Variants in SEC24B observed in about 807,000 individuals in gnomAD.
The protein encoded by SEC24B is protein transport protein Sec24B.
SEC24B carries 45 observed loss-of-function variants against 142.8 expected under a neutral mutation model. The observed-to-expected ratio is 0.32, with a 90% CI of 0.25 to 0.40. SEC24B has a LOEUF of 0.40. Among genes scored for constraint, SEC24B ranks in the 10% least tolerant of loss-of-function variants. The pLI, the probability that SEC24B is intolerant of heterozygous loss-of-function variation, is 1.00. For missense variants in SEC24B, 1,409 were observed against 1,526.8 expected (o/e 0.92, Z 1.29); for synonymous variants, 574 against 568.2 (o/e 1.01, Z -0.15).
intron 1 of SEC24B, among the ~76,000 whole-genome samples, chr4:109,442,953 A>G (rs1165166701): frequency 3.3e-5 from 5 of 152,164 alleles, no homozygotes; most frequent in African/African-American, 1.2e-4. Context: ...GCTGTATTGT[A>G]ATATTAGAAT....
At chr4:109,450,472 G>A (rs1021893794) in intron 1 of SEC24B, among the ~76,000 whole-genome samples, 4 of 151,618 alleles carry the variant, frequency 2.6e-5, no homozygotes, top group African/African-American at 9.7e-5. Context: ...AGCCTGGCCA[G>A]GATGGTGAAA....
intron 2 of SEC24B, among the ~76,000 whole-genome samples, chr4:109,466,127 T>TA (rs1731834776): frequency 6.6e-6 from 1 of 152,178 alleles, no homozygotes; most frequent in Non-Finnish European, 1.5e-5. Flanking sequence ...TCTCAGTTGA[T>TA]ACGTTTCAAT....
chr4:109,494,964 C>A, intron 6 of SEC24B, 108 bp downstream of exon 6: 1 of 1,325,042 alleles, frequency 7.5e-7, no homozygotes, highest in Non-Finnish European at 1.1e-6. Flanking sequence ...GGTACAAATA[C>A]ATGTCAGCCT....
At chr4:109,439,926 G>T (rs968592290) in intron 1 of SEC24B, among the ~76,000 whole-genome samples, 1 of 151,268 alleles carries the variant, frequency 6.6e-6, no homozygotes, top group African/African-American at 2.4e-5. Context: ...TTTGAGACCA[G>T]CCTGGACGAC....
At chr4:109,537,206 C>A (rs1284322246) in intron 22 of SEC24B, among the ~76,000 whole-genome samples, 4 of 152,252 alleles carry the variant, frequency 2.6e-5, no homozygotes, top group African/African-American at 9.6e-5. Flanking sequence ...GCATTTCTTT[C>A]ATTTACCAGA....
chr4:109,469,881 A>G (rs899329437), intron 2 of SEC24B, among the ~76,000 whole-genome samples: 1 of 152,240 alleles, frequency 6.6e-6, no homozygotes, highest in Non-Finnish European at 1.5e-5. Context: ...GAAAAAATGT[A>G]TATGCTTACA....
intron 3 of SEC24B, among the ~76,000 whole-genome samples, chr4:109,478,068 G>T (rs566830778): frequency 6.6e-6 from 1 of 152,062 alleles, no homozygotes; most frequent in Non-Finnish European, 1.5e-5. Context: ...GATCATTTGA[G>T]GTCAGGACTT....
In SEC24B at chr4:109,445,004, A is replaced by T. The variant is rs528325712; in HGVS notation, c.133+11002A>T. Among the ~76,000 whole-genome samples, 164 of 152,060 alleles carry T rather than the reference A, an allele frequency of 1.1e-3. 1 individual carries two copies. Among genetic ancestry groups the T allele is most frequent in the Non-Finnish European group, 2.0e-3 (134 of 67,964 alleles). The stretch of plus-strand genomic sequence containing the variant: ...GCTGGAGCGATCACTGCTCACTGCA[A>T]CCTCGATCTCCTGGGGTCAGGTGAT... On this transcript the variant is annotated intron_variant, in intron 1 of 23. Transcript: ENST00000265175.
chr4:109,496,103 A>G (rs1474094263), intron 6 of SEC24B, among the ~76,000 whole-genome samples: 1 of 152,198 alleles, frequency 6.6e-6, no homozygotes, highest in African/African-American at 2.4e-5. Context: ...AGAAAATAAA[A>G]TACAGGGAAA....
intron 4 of SEC24B, among the ~76,000 whole-genome samples, chr4:109,484,331 A>G (rs1335816403): frequency 2.6e-5 from 4 of 152,184 alleles, no homozygotes; most frequent in African/African-American, 9.7e-5. Flanking sequence ...CCACTAAAAC[A>G]ATGTTGTGTT....
At chr4:109,489,651 TGG>T (rs1333298618) in intron 4 of SEC24B, among the ~76,000 whole-genome samples, 2 of 109,230 alleles carry the variant, frequency 1.8e-5, no homozygotes, top group African/African-American at 1.1e-4. Flanking sequence ...ATGATATATA[TGG>T]TATATATATG....
At chr4:109,523,665 T>G (rs1278234178) in intron 14 of SEC24B, among the ~76,000 whole-genome samples, 1 of 152,106 alleles carries the variant, frequency 6.6e-6, no homozygotes, top group Non-Finnish European at 1.5e-5. Context: ...TCATTATAAG[T>G]AGTTATGAGT....
chr4:109,481,753 G>A lies in SEC24B; in HGVS notation c.1137G>A (p.Glu379=). Residue 379 remains glutamate (E), a synonymous_variant, in exon 4 of 24, where the codon GAG becomes GAA. Transcript: ENST00000265175. The part of the protein sequence containing the change: ...PTPLSSTSDD[E]EEEEEDEEAG... Reference sequence around the variant, plus strand: ...CCTTGTCATCAACTTCCGATGATGAGGAAGAGGAGGAGGAGGATGAGGAAG... The same window carrying A: ...CCTTGTCATCAACTTCCGATGATGAAGAAGAGGAGGAGGAGGATGAGGAAG... 2 of 1,613,700 alleles carry A rather than the reference G, an allele frequency of 1.2e-6. No homozygotes were observed. Among genetic ancestry groups the A allele is most frequent in the Non-Finnish European group, 1.7e-6 (2 of 1,179,682 alleles).
In SEC24B at chr4:109,511,023, G is replaced by A. The variant is rs199594030; in HGVS notation, c.1776+912G>A. 1.6e-4 allele frequency among the ~76,000 whole-genome samples: 24 copies of A among 152,004 alleles called. No individual in the cohort carries two copies. The East Asian group carries it at 3.1e-3, about 20-fold the overall frequency. ...AAAATTGTAATATGTGATAAGTACC[G>A]TGAATTTATTCATTGGGTAAATATT... is the stretch of plus-strand genomic sequence containing the variant. On this transcript the variant is annotated intron_variant, in intron 8 of 23. Coordinates refer to ENST00000265175, the MANE Select transcript of SEC24B (RefSeq NM_006323.5).
At chr4:109,517,983 T>A (rs145306614) in intron 11 of SEC24B, among the ~76,000 whole-genome samples, 12,335 of 141,004 alleles carry the variant, frequency 0.087, 1,685 homozygotes, top group African/African-American at 0.33. Flanking sequence ...TTATTTATTT[T>A]TTGAGACAGA....
intron 1 of SEC24B, among the ~76,000 whole-genome samples, chr4:109,443,137 C>A (rs1489715210): frequency 1.3e-5 from 2 of 152,142 alleles, no homozygotes; most frequent in Non-Finnish European, 2.9e-5. Context: ...TCTCTGCCTC[C>A]CTTTCCAATG....
intron 1 of SEC24B, among the ~76,000 whole-genome samples, chr4:109,461,341 A>G (rs1436893535): frequency 6.6e-6 from 1 of 152,224 alleles, no homozygotes; most frequent in Non-Finnish European, 1.5e-5. Context: ...TTTTAAAAAC[A>G]TAAACCTTTT....
intron 19 of SEC24B, 127 bp downstream of exon 19, chr4:109,530,591 A>C: frequency 2.5e-6 from 2 of 803,918 alleles, no homozygotes; most frequent in Non-Finnish European, 3.8e-6. Flanking sequence ...GCATTGAAAG[A>C]GTTTTGAAGA....
rs1731507734 is a variant in SEC24B, at chr4:109,463,358, A to T, written c.591A>T (p.Ser197=). 1.2e-6 allele frequency: 2 copies of T among 1,614,034 alleles called. No homozygotes were observed. The highest frequency in any genetic ancestry group is 2.7e-5 in the African/African-American group (2 of 74,906). ...TVSNAAYPSV[S]YPSLPAGDTY... The stretch of plus-strand genomic sequence containing the variant: ...CTAATGCCGCGTATCCTAGTGTTTC[A>T]TATCCCTCTCTGCCTGCTGGTGATA... The change falls in exon 2 of 24, where the codon TCA becomes TCT. Residue 197 remains serine (S), a synonymous_variant. Transcript: ENST00000265175.
Sources: gnomAD v4.1 joint callset for allele counts (sites outside exome capture counted in the v4.1 genomes callset) on GRCh38, gnomAD v4.1.1 for gene constraint, MANE v1.5 for transcripts, NCBI Gene and HGNC (gene_info 2026-07-23, HGNC 2026-07-21) for gene names.